Variants in PPP2R2C observed in about 807,000 individuals in gnomAD.
PPP2R2C encodes the protein protein phosphatase 2 regulatory subunit Bgamma.
Under a neutral mutation model 45.3 loss-of-function variants are expected in PPP2R2C, and 10 were observed. The ratio of observed to expected loss-of-function variants is 0.22; its 90% confidence interval spans 0.14 to 0.37. The LOEUF is 0.37. Among genes scored for constraint, PPP2R2C ranks in the 10% least tolerant of loss-of-function variants. The probability of loss-of-function intolerance (pLI) is 1.00; values close to 1 mark genes in which losing one functional copy is unlikely to be tolerated. For synonymous variants in PPP2R2C, 257 were observed against 245.4 expected (o/e 1.05, Z -0.44); for missense variants, 308 against 619.7 (o/e 0.50, Z 5.34).
rs952878460 is a variant in PPP2R2C at position 6,322,778 on chromosome 4, G to C, written c.*524C>G. 6.6e-6 allele frequency: 1 copy of C among 152,486 alleles called. No individual in the cohort carries two copies. Among genetic ancestry groups the C allele is most frequent in the Non-Finnish European group, 1.5e-5 (1 of 68,250 alleles). 9.4% of individuals were successfully genotyped at this position (152,486 alleles called of 1,614,324 possible). A position where few individuals can be genotyped will look rare whatever the true frequency, so the allele number is the denominator to read the frequency against. ...CGGTGAGGTCATCAGCTCTGAGACA[G>C]GGCGAATTGCCCCATTTATAACCAA... On this transcript the variant is annotated 3_prime_UTR_variant, in exon 9 of 9. Coordinates refer to ENST00000382599, the MANE Select transcript of PPP2R2C (RefSeq NM_020416.4). This position sits in a 1 kb window ranked among gnomAD's most constrained non-coding sequence, Gnocchi z 7.8.
At position 6,329,241 on chromosome 4, in the gene PPP2R2C, C is replaced by G; in HGVS notation, c.1052+21G>C. 6.2e-7 allele frequency: 1 copy of G among 1,606,430 alleles called. No homozygotes were observed. The highest frequency in any genetic ancestry group is 8.5e-7 in the Non-Finnish European group (1 of 1,173,622). The stretch of plus-strand genomic sequence containing the variant: ...ACCCTCCCTACGGTGAGGTGAGGTG[C>G]GGGCTGAGGTCAGGGCTTACCTGTC... On this transcript the variant is annotated intron_variant, in intron 8 of 8. Coordinates refer to ENST00000382599, the MANE Select transcript of PPP2R2C (RefSeq NM_020416.4). This position sits in a 1 kb window ranked among gnomAD's most constrained non-coding sequence, Gnocchi z 5.8.
chr4:6,505,647 A>G (rs1013550566), intron 2 of PPP2R2C, among the ~76,000 whole-genome samples: 58 of 152,364 alleles, frequency 3.8e-4, no homozygotes, highest in Admixed American at 3.4e-3. Context: ...AAGCTCATAG[A>G]TAAATTAAAA....
At chr4:6,409,029 G>C (rs144261646) in intron 1 of PPP2R2C, among the ~76,000 whole-genome samples, 2 of 152,092 alleles carry the variant, frequency 1.3e-5, no homozygotes, top group African/African-American at 4.8e-5. Context: ...CAGCTAGAGT[G>C]AAAGCACATA....
In PPP2R2C at chr4:6,465,586, T is replaced by C. The variant is rs759755355; in HGVS notation, c.70+6574A>G. ...AAAAGCATCATTAAAGGTGCTAAGA[T>C]ACAAAACCTTTTCATGCCTTCCATA... On this transcript the variant is annotated intron_variant, in intron 1 of 8. Coordinates refer to ENST00000382599, the MANE Select transcript of PPP2R2C (RefSeq NM_020416.4). Among the ~76,000 whole-genome samples the C allele has an allele frequency of 4.3e-4, 66 of 152,094 alleles. 2 individuals are homozygous for C. Among genetic ancestry groups the C allele is most frequent in the Non-Finnish European group, 1.2e-4 (8 of 68,018 alleles).
At position 6,472,456 on chromosome 4, in the gene PPP2R2C, CGGGCCG is replaced by C; in HGVS notation, c.-233_-228del. 1 of 372,710 alleles carries C rather than the reference CGGGCCG, an allele frequency of 2.7e-6. No individual in the cohort carries two copies. Among genetic ancestry groups the C allele is most frequent in the Non-Finnish European group, 3.7e-6 (1 of 273,104 alleles). 23.1% of individuals were successfully genotyped at this position (372,710 alleles called of 1,614,324 possible). ...GGCGGGCGGCGGCCGCGGGTTCGGG[CGGGCCG>C]GGGCCCAGGCGCGCATCCCGGCCGG... On this transcript the variant is annotated 5_prime_UTR_variant, in exon 1 of 9. Coordinates refer to ENST00000382599, the MANE Select transcript of PPP2R2C (RefSeq NM_020416.4).
chr4:6,451,718 C>T (rs1720741630), intron 1 of PPP2R2C, among the ~76,000 whole-genome samples: 1 of 152,148 alleles, frequency 6.6e-6, no homozygotes, highest in Non-Finnish European at 1.5e-5. Context: ...AAAGGAAACT[C>T]TTCCCATCTC....
At chr4:6,557,387 AAAAG>A (rs767383336) in intron 1 of PPP2R2C, among the ~76,000 whole-genome samples, 166 of 152,252 alleles carry the variant, frequency 1.1e-3, no homozygotes, top group African/African-American at 3.6e-3. Flanking sequence ...CAGCAAAAAA[AAAAG>A]AAAGAAAGAA....
intron 1 of PPP2R2C, among the ~76,000 whole-genome samples, chr4:6,415,865 T>A (rs1402572007): frequency 6.6e-6 from 1 of 152,228 alleles, no homozygotes; most frequent in Non-Finnish European, 1.5e-5. Flanking sequence ...ATTACACAGC[T>A]ATTAAGATAG....
chr4:6,441,007 G>A (rs1390941122), intron 1 of PPP2R2C, among the ~76,000 whole-genome samples: 2 of 152,076 alleles, frequency 1.3e-5, no homozygotes, highest in African/African-American at 2.4e-5. Flanking sequence ...ATCTCAAAGT[G>A]TCCTGATCAG....
chr4:6,464,950 T>A (rs1721519555), intron 1 of PPP2R2C, among the ~76,000 whole-genome samples: 1 of 151,660 alleles, frequency 6.6e-6, no homozygotes, highest in South Asian at 2.1e-4. Context: ...GGGAACTAAA[T>A]ATCCAGCCAT....
intron 2 of PPP2R2C, chr4:6,535,247 C>T (rs753149962): frequency 6.4e-5 from 99 of 1,535,006 alleles, no homozygotes; most frequent in Non-Finnish European, 8.2e-5. Flanking sequence ...CGCTGCTGCC[C>T]GGCTGTGAGA....
chr4:6,372,728 G>T (rs1156527563), intron 4 of PPP2R2C, 28 bp from the exon 5 acceptor site: 7 of 1,608,836 alleles, frequency 4.4e-6, no homozygotes, highest in Non-Finnish European at 6.0e-6. Flanking sequence ...GCAGGGAAGA[G>T]GTGAAGGCCA....
chr4:6,387,731 T>C (rs1045582096), intron 1 of PPP2R2C, among the ~76,000 whole-genome samples: 1 of 151,216 alleles, frequency 6.6e-6, no homozygotes, highest in Non-Finnish European at 1.5e-5. Context: ...GAGAATTGCT[T>C]GAACCTGAGA....
intron 1 of PPP2R2C, among the ~76,000 whole-genome samples, chr4:6,393,846 A>T (rs771325950): frequency 3.9e-4 from 60 of 151,950 alleles, no homozygotes; most frequent in Non-Finnish European, 1.5e-4. Flanking sequence ...GCTGGGTTTG[A>T]CTCTAGCCAG....
At position 6,329,297 on chromosome 4, in the gene PPP2R2C, G is replaced by A. The variant is rs145291210; in HGVS notation, c.1017C>T (p.Phe339=). Residue 339 remains phenylalanine, a synonymous_variant, in exon 8 of 9, where the codon TTC becomes TTT. Coordinates refer to ENST00000382599, the MANE Select transcript of PPP2R2C (RefSeq NM_020416.4). The surrounding 1 kb of genome is among the most constrained non-coding windows in gnomAD (Gnocchi z 5.8). ...CGTTCCAGGCACATTCAAACTTGTC[G>A]AAAATGCAGTCGTTCTCGTACAGGG... ...LCSLYENDCI[F]DKFECAWNGS... is the part of the protein sequence containing the mutation. 6 of 1,614,182 alleles carry A rather than the reference G, an allele frequency of 3.7e-6. No individual in the cohort carries two copies. Among genetic ancestry groups the A allele is most frequent in the Middle Eastern group, 1.6e-4 (1 of 6,062 alleles).
chr4:6,483,702 C>G (rs1333060215), intron 2 of PPP2R2C, among the ~76,000 whole-genome samples: 1 of 152,100 alleles, frequency 6.6e-6, no homozygotes, highest in Non-Finnish European at 1.5e-5. Context: ...ACGTGCTTTA[C>G]AGAGAATTTC....
chr4:6,523,245 G>T (rs1724083542), intron 2 of PPP2R2C, among the ~76,000 whole-genome samples: 1 of 152,156 alleles, frequency 6.6e-6, no homozygotes, highest in Admixed American at 6.5e-5. Flanking sequence ...CCAACCACCA[G>T]CTCCCTTATG....
At chr4:6,421,893 C>T (rs1013278293) in intron 1 of PPP2R2C, among the ~76,000 whole-genome samples, 1 of 152,214 alleles carries the variant, frequency 6.6e-6, no homozygotes, top group Non-Finnish European at 1.5e-5. Flanking sequence ...TGTCATCTTA[C>T]TCTGCCTCCC....
intron 5 of PPP2R2C, among the ~76,000 whole-genome samples, chr4:6,369,399 T>C (rs566239986): frequency 2.6e-5 from 4 of 152,254 alleles, no homozygotes; most frequent in Non-Finnish European, 4.4e-5. Context: ...ATTTATGGTA[T>C]GTGATACTTT....
Sources: gnomAD v4.1 joint callset for allele counts (sites outside exome capture counted in the v4.1 genomes callset) on GRCh38, gnomAD v4.1.1 for gene constraint, Gnocchi (gnomAD v3.1) non-coding constraint, MANE v1.5 for transcripts, NCBI Gene and HGNC (gene_info 2026-07-23, HGNC 2026-07-21) for gene names.